Variants in PAPPA observed in about 807,000 individuals in gnomAD.
The protein encoded by PAPPA is pappalysin-1.
PAPPA carries 60 observed loss-of-function variants against 164.0 expected under a neutral mutation model. That is an observed-to-expected ratio of 0.37 (90% CI 0.30 to 0.45). The LOEUF is 0.45. PAPPA is among the 20% of genes least tolerant of loss of function. The pLI, the probability that PAPPA is intolerant of heterozygous loss-of-function variation, is 1.00. For missense variants in PAPPA, 1,782 were observed against 2,087.3 expected, an observed-to-expected ratio of 0.85 and a Z score of 2.85; for synonymous variants, 875 against 814.1, an observed-to-expected ratio of 1.07 and a Z score of -1.27.
At chr9:116,177,510 T>G (rs1004956826) in intron 1 of PAPPA, among the ~76,000 whole-genome samples, 4 of 152,140 alleles carry the variant, frequency 2.6e-5, no homozygotes, top group African/African-American at 9.7e-5. Flanking sequence ...AGGTTAGGTG[T>G]GAAAGGGGAT....
intron 7 of PAPPA, among the ~76,000 whole-genome samples, chr9:116,242,840 T>C (rs1348469082): frequency 6.6e-6 from 1 of 152,206 alleles, no homozygotes; most frequent in Non-Finnish European, 1.5e-5. Context: ...TTTGGCATAA[T>C]GAAAGTGTTT....
intron 20 of PAPPA, 66 bp from the exon 21 acceptor site, chr9:116,382,329 C>T (rs552853523): frequency 1.5e-5 from 14 of 963,196 alleles, no homozygotes; most frequent in East Asian, 2.4e-5. Flanking sequence ...GGACTGCAGA[C>T]GTCAGCTCCC....
chr9:116,310,834 G>A (rs1323164909), intron 10 of PAPPA, among the ~76,000 whole-genome samples: 1 of 152,148 alleles, frequency 6.6e-6, no homozygotes, highest in Non-Finnish European at 1.5e-5. Flanking sequence ...CTAGCTGTGA[G>A]ACTTTAAGCA....
intron 6 of PAPPA, among the ~76,000 whole-genome samples, chr9:116,234,665 A>G (rs771108768): frequency 1.3e-5 from 2 of 152,210 alleles, no homozygotes; most frequent in Non-Finnish European, 2.9e-5. Context: ...AAAATGAAAC[A>G]AAACTCGGTT....
rs1662670468 is a variant in PAPPA, at chr9:116,154,054, A to AG, written c.-113dup. 6.2e-6 allele frequency: 7 copies of AG among 1,130,162 alleles called. No individual in the cohort carries two copies. In the South Asian group the frequency reaches 1.0e-4, roughly 17 times the overall value. 70.0% of individuals were successfully genotyped at this position (1,130,162 alleles called of 1,614,324 possible). A position where few individuals can be genotyped will look rare whatever the true frequency, so the allele number is the denominator to read the frequency against. On this transcript the variant is annotated 5_prime_UTR_variant, in exon 1 of 22. Coordinates refer to ENST00000328252, the MANE Select transcript of PAPPA (RefSeq NM_002581.5). This position sits in a 1 kb window ranked among gnomAD's most constrained non-coding sequence, Gnocchi z 5.2. Reference sequence around the variant, plus strand: ...AAAGAAAAGAAAAAAGCAAGTGGAAAGGGGGGCTCGCCCAAGAAGGGTGAA... The same window carrying AG: ...AAAGAAAAGAAAAAAGCAAGTGGAAAGGGGGGGCTCGCCCAAGAAGGGTGAA...
rs879626481 is a variant in PAPPA, at chr9:116,228,094, G to A, written c.2233+542G>A. 5.9e-5 allele frequency among the ~76,000 whole-genome samples: 9 copies of A among 152,262 alleles called. No homozygotes were observed. The South Asian group carries it at 1.0e-3, about 18-fold the overall frequency. ...TGCCTTATGATTGCCACTATTATGGGTTCCACCCACTATCAGACTCTTCCC... is the reference window on the plus strand; with the variant it reads ...TGCCTTATGATTGCCACTATTATGGATTCCACCCACTATCAGACTCTTCCC... On this transcript the variant is annotated intron_variant, in intron 6 of 21. Coordinates refer to ENST00000328252, the MANE Select transcript of PAPPA (RefSeq NM_002581.5).
chr9:116,269,008 G>A (rs769037256), intron 8 of PAPPA, among the ~76,000 whole-genome samples: 1 of 152,136 alleles, frequency 6.6e-6, no homozygotes, highest in Non-Finnish European at 1.5e-5. Context: ...TAATGGATGA[G>A]TGCTGTCTTA....
At chr9:116,356,273 A>G (rs181216976) in intron 17 of PAPPA, among the ~76,000 whole-genome samples, 221 of 152,338 alleles carry the variant, frequency 1.5e-3, no homozygotes, top group Middle Eastern at 6.8e-3. Context: ...TTTCTTGTGT[A>G]TAAAATGAGG....
In PAPPA at chr9:116,367,385, G is replaced by C. The variant is rs1055648380; in HGVS notation, c.4496-260G>C. Among the ~76,000 whole-genome samples the C allele has an allele frequency of 5.3e-5, 8 of 152,202 alleles. No individual in the cohort carries two copies. In the East Asian group the frequency reaches 1.5e-3, roughly 29 times the overall value. On this transcript the variant is annotated intron_variant, in intron 18 of 21. Coordinates refer to ENST00000328252, the MANE Select transcript of PAPPA (RefSeq NM_002581.5). ...TGGGGAGCCTTGGAAAGGTGTTTGA[G>C]CAGAGGAGGAGCTTGATCAAACTAG... is the stretch of plus-strand genomic sequence containing the variant.
intron 17 of PAPPA, among the ~76,000 whole-genome samples, chr9:116,357,071 T>C (rs1031217524): frequency 6.6e-6 from 1 of 152,206 alleles, no homozygotes; most frequent in African/African-American, 2.4e-5. Context: ...CTTGCTCAAA[T>C]AAACCTGTAG....
At chr9:116,268,139 T>C (rs1443810133) in intron 8 of PAPPA, among the ~76,000 whole-genome samples, 1 of 152,236 alleles carries the variant, frequency 6.6e-6, no homozygotes, top group Non-Finnish European at 1.5e-5. Context: ...TGTTGCATTA[T>C]GGTGCAAATC....
In PAPPA at chr9:116,381,912, A is replaced by G. The variant is rs911278266; in HGVS notation, c.4678-483A>G. 1.2e-4 allele frequency among the ~76,000 whole-genome samples: 18 copies of G among 152,336 alleles called. 1 individual carries two copies. The highest frequency in any genetic ancestry group is 1.0e-3 in the Admixed American group (16 of 15,300). ...CAGACCATGGTGCCAAATTCCTATG[A>G]GTTCTTACATTTTATCTTAATGCTT... On this transcript the variant is annotated intron_variant, in intron 20 of 21. Transcript: ENST00000328252.
In PAPPA at chr9:116,187,630, T is replaced by TC. The variant is rs772541818; in HGVS notation, c.897dup (p.Met300HisfsTer34). On this transcript the variant is annotated frameshift_variant, in exon 2 of 22. Coordinates refer to ENST00000328252, the MANE Select transcript of PAPPA (RefSeq NM_002581.5). LOFTEE classifies it high-confidence loss of function. The surrounding 1 kb of genome is among the most constrained non-coding windows in gnomAD (Gnocchi z 4.2). ...CTGGGACAATGTGAAGCATGCCTGG[T>TC]CCCCCATGAAGGATGGCAGCAGCCC... The TC allele has an allele frequency of 6.2e-7, 1 of 1,614,134 alleles. No individual in the cohort carries two copies. Among genetic ancestry groups the TC allele is most frequent in the Non-Finnish European group, 8.5e-7 (1 of 1,180,006 alleles).
chr9:116,240,223 C>T lies in PAPPA; in HGVS notation c.2732+4586C>T, dbSNP rs188866346. ...CTGGGTATCTATTAGGTGCTATGCACTATTTTAAGAAATGGTGATCCAGTG... is the reference window on the plus strand; with the variant it reads ...CTGGGTATCTATTAGGTGCTATGCATTATTTTAAGAAATGGTGATCCAGTG... On this transcript the variant is annotated intron_variant, in intron 7 of 21. Transcript: ENST00000328252. Among the ~76,000 whole-genome samples the T allele has an allele frequency of 2.0e-5, 3 of 152,334 alleles. No homozygotes were observed. The East Asian group carries it at 5.8e-4, about 29-fold the overall frequency.
chr9:116,172,159 A>AT (rs1843782210), intron 1 of PAPPA, among the ~76,000 whole-genome samples: 1 of 152,092 alleles, frequency 6.6e-6, no homozygotes, highest in Admixed American at 6.5e-5. Flanking sequence ...TATTACTGCA[A>AT]TTTTCCAGAT....
intron 1 of PAPPA, among the ~76,000 whole-genome samples, chr9:116,176,484 G>T (rs1843836331): frequency 6.6e-6 from 1 of 152,048 alleles, no homozygotes; most frequent in Non-Finnish European, 1.5e-5. Flanking sequence ...ACCCTTTATG[G>T]TGCATAATAG....
intron 21 of PAPPA, among the ~76,000 whole-genome samples, chr9:116,385,450 T>C (rs946062180): frequency 3.5e-4 from 53 of 151,884 alleles, no homozygotes; most frequent in African/African-American, 1.3e-3. Context: ...CTGACCAGAT[T>C]CCAAATTATT....
intron 10 of PAPPA, among the ~76,000 whole-genome samples, chr9:116,303,700 C>T (rs1358304591): frequency 1.3e-5 from 2 of 152,146 alleles, no homozygotes; most frequent in African/African-American, 4.8e-5. Flanking sequence ...CTTTCAGAGA[C>T]CAGCCTGCCT....
At chr9:116,392,687 C>CAA (rs1210776186) in intron 21 of PAPPA, among the ~76,000 whole-genome samples, 1 of 152,156 alleles carries the variant, frequency 6.6e-6, no homozygotes, top group African/African-American at 2.4e-5. Flanking sequence ...AGGCAGTTCA[C>CAA]AAAGAGGCAA....
Sources: allele counts gnomAD v4.1 joint callset (sites outside exome capture counted in the v4.1 genomes callset), GRCh38; gene constraint gnomAD v4.1.1; non-coding constraint Gnocchi (gnomAD v3.1); transcripts MANE v1.5; gene names NCBI Gene and HGNC (gene_info 2026-07-23, HGNC 2026-07-21).